Variants in UBE3A observed in about 807,000 individuals in gnomAD.
UBE3A encodes ubiquitin-protein ligase E3A.
A neutral mutation model predicts 83.4 loss-of-function variants in UBE3A; 6 were observed. That is an observed-to-expected ratio of 0.07 (90% CI 0.04 to 0.14). UBE3A has a LOEUF of 0.14. UBE3A is among the 10% of genes least tolerant of loss of function. UBE3A has a pLI of 1.00. For synonymous variants in UBE3A, 337 were observed against 355.4 expected (o/e 0.95, Z 0.58); for missense variants, 456 against 1,036.1 (o/e 0.44, Z 7.69).
At chr15:25,380,843 CCTT>C (rs1566995658) in intron 4 of UBE3A, among the ~76,000 whole-genome samples, 1 of 152,174 alleles carries the variant, frequency 6.6e-6, no homozygotes, top group Admixed American at 6.5e-5. Context: ...TCAAGTGAGA[CCTT>C]CTAGTAAAAG....
In UBE3A at chr15:25,351,765, C is replaced by G. The variant is rs576881212; in HGVS notation, c.2354+2588G>C. 3.9e-5 allele frequency among the ~76,000 whole-genome samples: 6 copies of G among 152,290 alleles called. No individual in the cohort carries two copies. The South Asian group carries it at 1.2e-3, about 32-fold the overall frequency. On this transcript the variant is annotated intron_variant, in intron 11 of 12. Coordinates refer to ENST00000648336, the MANE Select transcript of UBE3A (RefSeq NM_130839.5). ...TTTTTTCAGGTGCTGAAAAAGCTCT[C>G]CCTGATTTCATTTCTTGTTGACTGC...
intron 4 of UBE3A, among the ~76,000 whole-genome samples, chr15:25,379,157 C>T (rs998889763): frequency 6.6e-6 from 1 of 152,122 alleles, no homozygotes; most frequent in African/African-American, 2.4e-5. Context: ...CTTCACATTA[C>T]CAATTGTGAG....
chr15:25,413,560 C>CA (rs1301425833), intron 1 of UBE3A, among the ~76,000 whole-genome samples: 1 of 152,100 alleles, frequency 6.6e-6, no homozygotes, highest in Non-Finnish European at 1.5e-5. Flanking sequence ...CTCCTTATTC[C>CA]AGTCCATTCT....
At chr15:25,432,328 T>G (rs6576423) in intron 1 of UBE3A, among the ~76,000 whole-genome samples, 22,946 of 152,106 alleles carry the variant, frequency 0.15, 2,286 homozygotes, top group East Asian at 0.42. Flanking sequence ...AATATATGAG[T>G]TGGGGTGTTG....
At chr15:25,436,636 T>C (rs1033134684) in intron 1 of UBE3A, among the ~76,000 whole-genome samples, 1 of 152,152 alleles carries the variant, frequency 6.6e-6, no homozygotes, top group Admixed American at 6.5e-5. Flanking sequence ...ATGTTACATG[T>C]CAAAGACACT....
chr15:25,408,612 T>C (rs1322490369), intron 3 of UBE3A: 3 of 1,613,898 alleles, frequency 1.9e-6, no homozygotes, highest in Non-Finnish European at 2.5e-6. Flanking sequence ...ATTCAAATGG[T>C]GGCTCACTTC....
chr15:25,383,414 A>T (rs1450488821), intron 4 of UBE3A, among the ~76,000 whole-genome samples: 1 of 152,188 alleles, frequency 6.6e-6, no homozygotes, highest in Non-Finnish European at 1.5e-5. Flanking sequence ...AGGTGGGTGG[A>T]TCACCTGAGG....
At chr15:25,385,030 C>A (rs2082864025) in intron 4 of UBE3A, among the ~76,000 whole-genome samples, 1 of 152,178 alleles carries the variant, frequency 6.6e-6, no homozygotes, top group African/African-American at 2.4e-5. Context: ...GAAAAAGCTT[C>A]ATGACATTGG....
chr15:25,388,252 T>A (rs922248092), intron 4 of UBE3A, among the ~76,000 whole-genome samples: 5 of 152,164 alleles, frequency 3.3e-5, no homozygotes, highest in African/African-American at 1.2e-4. Context: ...TACTACAATG[T>A]ATAAAAAGAA....
intron 3 of UBE3A, 109 bp downstream of exon 3, chr15:25,408,979 A>G: frequency 1.7e-6 from 2 of 1,174,542 alleles, no homozygotes; most frequent in Non-Finnish European, 2.4e-6. Flanking sequence ...TCTCAGGCCC[A>G]CTATTCTTAG....
intron 1 of UBE3A, chr15:25,437,947 T>A (rs1895631110): frequency 2.6e-5 from 4 of 152,330 alleles, no homozygotes. Flanking sequence ...TCAGAAATCC[T>A]GGTGGCCGGT....
intron 1 of UBE3A, among the ~76,000 whole-genome samples, chr15:25,425,960 T>G (rs1476770228): frequency 6.6e-6 from 1 of 152,206 alleles, no homozygotes; most frequent in African/African-American, 2.4e-5. Context: ...ACATCCACTG[T>G]GCACTGGAAG....
chr15:25,358,380 C>T (rs2152714280), intron 7 of UBE3A, among the ~76,000 whole-genome samples: 1 of 151,790 alleles, frequency 6.6e-6, no homozygotes, highest in African/African-American at 2.4e-5. Flanking sequence ...TCCTGCCTCC[C>T]TCCACCAAAA....
chr15:25,383,810 T>C (rs2082615654), intron 4 of UBE3A, among the ~76,000 whole-genome samples: 1 of 152,190 alleles, frequency 6.6e-6, no homozygotes, highest in Non-Finnish European at 1.5e-5. Flanking sequence ...TCACCACTTC[T>C]ATTCAACATA....
At chr15:25,403,020 C>T (rs1382339541) in intron 4 of UBE3A, among the ~76,000 whole-genome samples, 1 of 152,168 alleles carries the variant, frequency 6.6e-6, no homozygotes, top group Non-Finnish European at 1.5e-5. Context: ...CATATAAATT[C>T]AAATACTCCA....
chr15:25,376,925 A>G (rs1390294346), intron 4 of UBE3A, among the ~76,000 whole-genome samples: 1 of 152,222 alleles, frequency 6.6e-6, no homozygotes, highest in African/African-American at 2.4e-5. Flanking sequence ...AACACTAAAG[A>G]GTCTATGCTT....
At position 25,370,746 on chromosome 15, in the gene UBE3A, T is replaced by C. The variant is rs138049263; in HGVS notation, c.1428A>G (p.Thr476=). ...TGACAGCATTCAATATAAAGGGACA[T>C]GTCATAAAAGAGAATTTGTTCTCTG... is the stretch of plus-strand genomic sequence containing the variant. ...VETENKFSFM[T]CPFILNAVTK... is the part of the protein sequence containing the mutation. The change falls in exon 6 of 13, where the codon ACA becomes ACG. Residue 476 remains threonine, a synonymous_variant. Coordinates refer to ENST00000648336, the MANE Select transcript of UBE3A (RefSeq NM_130839.5). The surrounding 1 kb of genome is among the most constrained non-coding windows in gnomAD (Gnocchi z 4.2). The C allele has an allele frequency of 1.3e-5, 21 of 1,614,188 alleles. No homozygotes were observed. The highest frequency in any genetic ancestry group is 1.8e-5 in the Non-Finnish European group (21 of 1,180,014).
chr15:25,422,759 G>A (rs1890194473), intron 1 of UBE3A, among the ~76,000 whole-genome samples: 1 of 148,420 alleles, frequency 6.7e-6, no homozygotes, highest in Non-Finnish European at 1.5e-5. Context: ...AGGATAGCTT[G>A]AGGCCAGAAG....
At position 25,339,975 on chromosome 15, in the gene UBE3A, G is replaced by A; in HGVS notation, c.2498+110C>T. On this transcript the variant is annotated intron_variant, in intron 12 of 12. Transcript: ENST00000648336. ...ATTGTCTAATATGATTTGGGGATTT[G>A]TATATAAAATCACGAATGTGCTCAG... The A allele has an allele frequency of 2.2e-6, 3 of 1,389,250 alleles. No homozygotes were observed. In the South Asian group the frequency reaches 3.6e-5, roughly 16 times the overall value. The allele number at this position is 1,389,250 out of a possible 1,614,324, so 86.1% of individuals were successfully genotyped here.
Sources: allele counts gnomAD v4.1 joint callset (sites outside exome capture counted in the v4.1 genomes callset), GRCh38; gene constraint gnomAD v4.1.1; non-coding constraint Gnocchi (gnomAD v3.1); transcripts MANE v1.5; gene names NCBI Gene and HGNC (gene_info 2026-07-23, HGNC 2026-07-21).